Variants in PGPEP1L observed in about 807,000 individuals in gnomAD.
PGPEP1L encodes the protein pyroglutamyl-peptidase I like.
PGPEP1L carries 7 observed loss-of-function variants against 6.0 expected under a neutral mutation model. The ratio of observed to expected loss-of-function variants is 1.17; its 90% CI spans 0.66 to 2.19. The LOEUF (loss-of-function observed/expected upper bound fraction) is 2.19. Ranked by LOEUF, PGPEP1L falls within the 30% of genes most tolerant of loss-of-function variation. The pLI is 0.00. For missense variants in PGPEP1L, 209 were observed against 192.5 expected, an observed-to-expected ratio of 1.09 and a Z score of -0.51; for synonymous variants, 103 against 83.9, an observed-to-expected ratio of 1.23 and a Z score of -1.24.
At chr15:98,991,375 C>G (rs2017817622) in intron 2 of PGPEP1L, among the ~76,000 whole-genome samples, 1 of 152,124 alleles carries the variant, frequency 6.6e-6, no homozygotes, top group Non-Finnish European at 1.5e-5. Context: ...GGATAAATCC[C>G]TGGACACATA....
intron 2 of PGPEP1L, among the ~76,000 whole-genome samples, chr15:98,997,495 G>C (rs954523332): frequency 6.6e-6 from 1 of 152,138 alleles, no homozygotes; most frequent in Non-Finnish European, 1.5e-5. Flanking sequence ...AGCTGTATGG[G>C]GACAGAGAGC....
In PGPEP1L at chr15:99,007,424, C is replaced by G. The variant is rs1290222633; in HGVS notation, c.-435G>C. On this transcript the variant is annotated 5_prime_UTR_variant, in exon 1 of 5. Transcript: ENST00000535714. Reference sequence around the variant, plus strand: ...GTCTCACTGACTTCAAGAACGAAGCCGCGGACCCTGGCGGTGAGTGTTACA... The same window carrying G: ...GTCTCACTGACTTCAAGAACGAAGCGGCGGACCCTGGCGGTGAGTGTTACA... 3.9e-5 allele frequency: 6 copies of G among 152,384 alleles called. No individual in the cohort carries two copies. The highest frequency in any genetic ancestry group is 8.8e-5 in the Non-Finnish European group (6 of 68,192). The allele number at this position is 152,384 out of a possible 1,614,324, so 9.4% of individuals were successfully genotyped here. A position where few individuals can be genotyped will look rare whatever the true frequency, so the allele number is the denominator to read the frequency against.
At chr15:98,978,415 C>T (rs755322840) in intron 2 of PGPEP1L, among the ~76,000 whole-genome samples, 10 of 152,114 alleles carry the variant, frequency 6.6e-5, no homozygotes, top group Admixed American at 6.5e-4. Flanking sequence ...AGCCTGCAGG[C>T]CCAGGCAGGC....
intron 1 of PGPEP1L, 84 bp downstream of exon 1, chr15:99,007,275 G>T (rs1336326345): frequency 2.0e-5 from 3 of 152,298 alleles, no homozygotes; most frequent in African/African-American, 7.2e-5. Context: ...GAAGTTACCC[G>T]GTTTCTCAAT....
intron 2 of PGPEP1L, among the ~76,000 whole-genome samples, chr15:99,004,033 T>C (rs2018011544): frequency 6.8e-6 from 1 of 148,100 alleles, no homozygotes; most frequent in South Asian, 2.1e-4. Flanking sequence ...CAACTTTCAA[T>C]TTCCCATTCA....
chr15:98,984,491 G>A (rs745778017), intron 2 of PGPEP1L, among the ~76,000 whole-genome samples: 8 of 152,140 alleles, frequency 5.3e-5, no homozygotes, highest in South Asian at 2.1e-4. Flanking sequence ...ACAGTGAGAC[G>A]CTTGTATTGA....
chr15:98,975,525 C>A (rs370376444), intron 2 of PGPEP1L, among the ~76,000 whole-genome samples: 1 of 152,214 alleles, frequency 6.6e-6, no homozygotes, highest in Non-Finnish European at 1.5e-5. Flanking sequence ...ATCCTAATTA[C>A]CCTGATTTAA....
chr15:98,995,473 A>AAGGTGGAGATGGGTG (rs1555472426), intron 2 of PGPEP1L, among the ~76,000 whole-genome samples: 1 of 152,184 alleles, frequency 6.6e-6, no homozygotes, highest in Non-Finnish European at 1.5e-5. Flanking sequence ...CAAGGTGGGC[A>AAGGTGGAGATGGGTG]GATCACCTGA....
intron 2 of PGPEP1L, among the ~76,000 whole-genome samples, chr15:99,000,127 G>T (rs1054019612): frequency 6.6e-6 from 1 of 152,234 alleles, no homozygotes; most frequent in Non-Finnish European, 1.5e-5. Context: ...TGGGCTCCGC[G>T]GGCCCCGCAC....
intron 2 of PGPEP1L, among the ~76,000 whole-genome samples, chr15:98,997,125 CTG>C (rs1555472575): frequency 6.6e-6 from 1 of 152,102 alleles, no homozygotes; most frequent in East Asian, 1.9e-4. Flanking sequence ...AAAAAAGGTC[CTG>C]TGTTTTGAGG....
intron 2 of PGPEP1L, among the ~76,000 whole-genome samples, chr15:99,003,593 C>T (rs2018005589): frequency 1.3e-5 from 2 of 152,052 alleles, no homozygotes; most frequent in Admixed American, 6.6e-5. Context: ...TGTCTACATG[C>T]CAATTGTCTT....
At chr15:98,993,904 TACATATATA>T (rs2151763664) in intron 2 of PGPEP1L, among the ~76,000 whole-genome samples, 1 of 152,166 alleles carries the variant, frequency 6.6e-6, no homozygotes, top group Non-Finnish European at 1.5e-5. Context: ...AATTTTGCCA[TACATATATA>T]ATTTAACAAA....
chr15:98,988,254 C>T (rs2017774701), intron 2 of PGPEP1L, among the ~76,000 whole-genome samples: 2 of 152,184 alleles, frequency 1.3e-5, no homozygotes, highest in Admixed American at 1.3e-4. Flanking sequence ...GAAATTCTCA[C>T]TGCAGCATAG....
chr15:98,968,810 C>A, intron 4 of PGPEP1L, 113 bp from the exon 5 acceptor site: 1 of 926,560 alleles, frequency 1.1e-6, no homozygotes, highest in Non-Finnish European at 1.7e-6. Context: ...AGCACTGCCA[C>A]CCAAGGGAGA....
At chr15:98,984,200 CAG>C (rs1253738629) in intron 2 of PGPEP1L, among the ~76,000 whole-genome samples, 3 of 151,930 alleles carry the variant, frequency 2.0e-5, no homozygotes, top group African/African-American at 7.2e-5. Context: ...TTAGCAGAGA[CAG>C]AGTTTCACCA....
chr15:98,968,474 C>T lies in PGPEP1L; in HGVS notation c.*4G>A. 1 of 1,611,772 alleles carries T rather than the reference C, an allele frequency of 6.2e-7. No individual in the cohort carries two copies. The highest frequency in any genetic ancestry group is 8.5e-7 in the Non-Finnish European group (1 of 1,178,886). ...CAATTTTCTCTAGAGGAGCAATCCC[C>T]CGGTCAGTTCCCTTTGGCTGGAAGG... is the stretch of plus-strand genomic sequence containing the variant. On this transcript the variant is annotated 3_prime_UTR_variant, in exon 5 of 5. Coordinates refer to ENST00000535714, the MANE Select transcript of PGPEP1L (RefSeq NM_001167902.2).
intron 2 of PGPEP1L, among the ~76,000 whole-genome samples, chr15:99,000,253 C>A (rs1487679351): frequency 2.0e-5 from 3 of 152,238 alleles, no homozygotes; most frequent in Non-Finnish European, 4.4e-5. Context: ...CCGGGCAGGG[C>A]TCAGGACCTG....
chr15:98,996,004 C>T (rs2017883170), intron 2 of PGPEP1L, among the ~76,000 whole-genome samples: 1 of 152,114 alleles, frequency 6.6e-6, no homozygotes, highest in Non-Finnish European at 1.5e-5. Flanking sequence ...AATTTTTCAC[C>T]TCAACAACTG....
intron 2 of PGPEP1L, among the ~76,000 whole-genome samples, chr15:99,004,977 G>A (rs577204512): frequency 2.6e-5 from 4 of 152,120 alleles, no homozygotes; most frequent in African/African-American, 9.6e-5. Flanking sequence ...TTCCTTTGCG[G>A]GTGGCTGTTG....
Sources: allele counts gnomAD v4.1 joint callset (sites outside exome capture counted in the v4.1 genomes callset), GRCh38; gene constraint gnomAD v4.1.1; transcripts MANE v1.5; gene names NCBI Gene and HGNC (gene_info 2026-07-23, HGNC 2026-07-21).